The following BIN3 variants were observed in gnomAD, a reference collection of about 807,000 sequenced individuals.
The protein encoded by BIN3 is bridging integrator 3.
In BIN3, 41 loss-of-function variants were observed where a neutral mutation model predicts 38.2. That is an observed-to-expected ratio of 1.07 (90% CI 0.84 to 1.39). The LOEUF is 1.39. Among genes scored for constraint, BIN3 ranks in the 40% most tolerant of loss-of-function variants. The pLI is 0.00. For synonymous variants in BIN3, 145 were observed against 122.6 expected, an observed-to-expected ratio of 1.18 and a Z score of -1.21; for missense variants, 361 against 324.3, an observed-to-expected ratio of 1.11 and a Z score of -0.87.
chr8:22,664,667 AT>A, intron 1 of BIN3, among the ~76,000 whole-genome samples: 1 of 152,252 alleles, frequency 6.6e-6, no homozygotes. Flanking sequence ...ATTCCTGATC[AT>A]GGGGACAGAA....
intron 6 of BIN3, chr8:22,626,654 C>G (rs1802015112): frequency 6.5e-6 from 1 of 152,754 alleles, no homozygotes; most frequent in Admixed American, 6.5e-5. Flanking sequence ...CAGGAGGCAG[C>G]AGGTGGAGAG....
In BIN3 at chr8:22,621,187, A is replaced by T. The variant is rs1801790894; in HGVS notation, c.*235T>A. 1.8e-6 allele frequency: 1 copy of T among 548,600 alleles called. No homozygotes were observed. The highest frequency in any genetic ancestry group is 3.2e-6 in the Non-Finnish European group (1 of 311,122). 34.0% of individuals were successfully genotyped at this position (548,600 alleles called of 1,614,324 possible). On this transcript the variant is annotated 3_prime_UTR_variant, in exon 9 of 9. Transcript: ENST00000276416. ...GCATGCTGGACGGTTCTCCAAATAA[A>T]AAAGCCCCAAGGGTTTGTCTACACT...
intron 4 of BIN3, among the ~76,000 whole-genome samples, chr8:22,636,224 C>G (rs987088164): frequency 6.6e-5 from 10 of 152,206 alleles, no homozygotes; most frequent in Non-Finnish European, 1.3e-4. Context: ...GAGCCGGTGG[C>G]CAGGATTCTG....
chr8:22,621,382 G>A lies in BIN3; in HGVS notation c.*40C>T. 6.3e-7 allele frequency: 1 copy of A among 1,591,402 alleles called. No homozygotes were observed. On this transcript the variant is annotated 3_prime_UTR_variant, in exon 9 of 9. Coordinates refer to ENST00000276416, the MANE Select transcript of BIN3 (RefSeq NM_018688.6). The stretch of plus-strand genomic sequence containing the variant: ...CCTGAGAAGGGCAAGGATGAATGAG[G>A]CTGACCACGTCACAGGAGTCCTCCA...
chr8:22,625,166 C>T (rs528115670), intron 6 of BIN3: 34 of 612,580 alleles, frequency 5.6e-5, no homozygotes, highest in East Asian at 3.8e-4. Context: ...CAGCAGTGGA[C>T]GATGCAACGC....
At chr8:22,664,971 C>T (rs1473826063) in intron 1 of BIN3, among the ~76,000 whole-genome samples, 1 of 152,214 alleles carries the variant, frequency 6.6e-6, no homozygotes, top group East Asian at 1.9e-4. Context: ...GTTAGATACC[C>T]ACTATGTGCA....
intron 1 of BIN3, among the ~76,000 whole-genome samples, chr8:22,652,277 A>G (rs1043518751): frequency 6.6e-6 from 1 of 152,212 alleles, no homozygotes; most frequent in Non-Finnish European, 1.5e-5. Context: ...CTGGGAGACA[A>G]AAAGAGCTGA....
intron 1 of BIN3, among the ~76,000 whole-genome samples, chr8:22,649,857 ACCC>A (rs765863433): frequency 4.8e-5 from 6 of 125,126 alleles, no homozygotes; most frequent in African/African-American, 2.3e-4. Context: ...ACACACACAC[ACCC>A]CCAAAGGAAA....
intron 1 of BIN3, among the ~76,000 whole-genome samples, chr8:22,664,063 G>C (rs926818125): frequency 3.3e-5 from 5 of 152,180 alleles, no homozygotes; most frequent in Non-Finnish European, 5.9e-5. Context: ...ACAAATATTT[G>C]TTGAGCACCA....
intron 1 of BIN3, among the ~76,000 whole-genome samples, chr8:22,668,182 C>T (rs988420937): frequency 3.3e-5 from 5 of 152,154 alleles, no homozygotes; most frequent in African/African-American, 1.2e-4. Context: ...TATTCTCTAA[C>T]CTCTAAGAAA....
chr8:22,629,869 G>C, intron 6 of BIN3, 95 bp downstream of exon 6: 1 of 1,242,050 alleles, frequency 8.1e-7, no homozygotes, highest in African/African-American at 1.5e-5. Flanking sequence ...TGGGAATCTG[G>C]GGACACGCAG....
At chr8:22,637,975 G>T (rs1379797333) in intron 2 of BIN3, among the ~76,000 whole-genome samples, 1 of 152,218 alleles carries the variant, frequency 6.6e-6, no homozygotes, top group African/African-American at 2.4e-5. Context: ...GTGAGGGGTA[G>T]AGTTGAGCAC....
intron 3 of BIN3, 69 bp downstream of exon 3, chr8:22,636,853 G>C (rs1262628155): frequency 8.5e-6 from 13 of 1,533,390 alleles, no homozygotes; most frequent in Non-Finnish European, 1.2e-5. Flanking sequence ...GGGGCAGACA[G>C]GTGAGACCTG....
intron 6 of BIN3, chr8:22,625,054 G>T (rs536921682): frequency 4.8e-6 from 2 of 413,198 alleles, no homozygotes; most frequent in South Asian, 1.4e-4. Context: ...CATTGGAACC[G>T]CCAAAGTTCC....
intron 8 of BIN3, 135 bp from the exon 9 acceptor site, chr8:22,621,703 A>G: frequency 1.1e-6 from 1 of 947,092 alleles, no homozygotes; most frequent in Non-Finnish European, 1.6e-6. Flanking sequence ...CTTTGGGGAT[A>G]TGCAGGGCAC....
chr8:22,632,726 C>T (rs552122311), intron 4 of BIN3, among the ~76,000 whole-genome samples: 49 of 103,366 alleles, frequency 4.7e-4, no homozygotes, highest in Non-Finnish European at 7.5e-4. Flanking sequence ...TTTTTTCAGA[C>T]GGAGTTTCGC....
At position 22,641,701 on chromosome 8, in the gene BIN3, G is replaced by A. The variant is rs1802567881; in HGVS notation, c.57+3054C>T. Among the ~76,000 whole-genome samples the A allele has an allele frequency of 3.3e-5, 5 of 152,348 alleles. No individual in the cohort carries two copies. The South Asian group carries it at 1.0e-3, about 32-fold the overall frequency. Reference sequence around the variant, plus strand: ...TCCTTCTCCAGTGGAGAGGCTGCATGTGGCCAGACTCTCTTTGCCCTAACT... The same window carrying A: ...TCCTTCTCCAGTGGAGAGGCTGCATATGGCCAGACTCTCTTTGCCCTAACT... On this transcript the variant is annotated intron_variant, in intron 2 of 8. Coordinates refer to ENST00000276416, the MANE Select transcript of BIN3 (RefSeq NM_018688.6).
At chr8:22,650,164 A>G (rs948866521) in intron 1 of BIN3, among the ~76,000 whole-genome samples, 1 of 152,162 alleles carries the variant, frequency 6.6e-6, no homozygotes, top group Non-Finnish European at 1.5e-5. Flanking sequence ...CCAATAGGTA[A>G]ATCTTGGTGT....
At chr8:22,625,169 T>C (rs546596983) in intron 6 of BIN3, 3 of 618,256 alleles carry the variant, frequency 4.9e-6, no homozygotes, top group Admixed American at 2.5e-5. Flanking sequence ...CAGTGGACGA[T>C]GCAACGCTGC....
Sources: gnomAD v4.1 joint callset for allele counts (sites outside exome capture counted in the v4.1 genomes callset) on GRCh38, gnomAD v4.1.1 for gene constraint, MANE v1.5 for transcripts, NCBI Gene and HGNC (gene_info 2026-07-23, HGNC 2026-07-21) for gene names.